LINGO2: variants seen among roughly 807,000 people sequenced by gnomAD.
The protein encoded by LINGO2 is leucine-rich repeat and immunoglobulin-like domain-containing nogo receptor-interacting protein 2.
In LINGO2, 14 loss-of-function variants were observed where a neutral mutation model predicts 30.6. The ratio of observed to expected loss-of-function variants is 0.46; its 90% confidence interval spans 0.30 to 0.72. The LOEUF (loss-of-function observed/expected upper bound fraction) is 0.72. Ranked by LOEUF, LINGO2 falls within the 30% of genes least tolerant of loss-of-function variation. The pLI is 0.07. For missense variants in LINGO2, 729 were observed against 751.7 expected (o/e 0.97, Z 0.35); for synonymous variants, 317 against 288.5 (o/e 1.10, Z -1.00).
At chr9:28,630,038 TG>T (rs1826862289) in intron 1 of LINGO2, among the ~76,000 whole-genome samples, 1 of 151,740 alleles carries the variant, frequency 6.6e-6, no homozygotes, top group South Asian at 2.1e-4. Flanking sequence ...TTTTTGTTCT[TG>T]GGATAGTTTA....
chr9:28,639,960 GGTT>G (rs1160869446), intron 1 of LINGO2, among the ~76,000 whole-genome samples: 30 of 152,108 alleles, frequency 2.0e-4, no homozygotes, highest in Non-Finnish European at 3.2e-4. Flanking sequence ...GGCTGGTACC[GGTT>G]GTTCCTTTCC....
intron 1 of LINGO2, among the ~76,000 whole-genome samples, chr9:28,589,645 TAA>T: frequency 6.6e-6 from 1 of 152,042 alleles, no homozygotes. Context: ...CTCAATGAAA[TAA>T]AAGAGGATAC....
chr9:28,473,085 T>C (rs755829043), intron 2 of LINGO2, among the ~76,000 whole-genome samples: 1 of 152,178 alleles, frequency 6.6e-6, no homozygotes, highest in Non-Finnish European at 1.5e-5. Context: ...TTTGCTTTAA[T>C]GGTCTTGTTA....
chr9:28,174,529 C>T (rs1032168212), intron 4 of LINGO2, among the ~76,000 whole-genome samples: 2 of 152,094 alleles, frequency 1.3e-5, no homozygotes, highest in Non-Finnish European at 1.5e-5. Context: ...ATATATTTCA[C>T]ATAAGCATGT....
chr9:28,761,850 G>C, the LINGO2 span, among the ~76,000 whole-genome samples: 3 of 151,902 alleles, frequency 2.0e-5, no homozygotes, highest in Non-Finnish European at 4.4e-5. Context: ...CTTACATAAG[G>C]ACTAATTTTG....
intron 4 of LINGO2, among the ~76,000 whole-genome samples, chr9:28,139,910 T>G (rs1297478627): frequency 6.6e-6 from 1 of 152,164 alleles, no homozygotes; most frequent in Non-Finnish European, 1.5e-5. Context: ...TTGTGATTAT[T>G]AGTTGAAAAT....
intron 3 of LINGO2, among the ~76,000 whole-genome samples, chr9:28,345,723 C>T (rs1476316226): frequency 2.0e-5 from 3 of 152,148 alleles, no homozygotes; most frequent in Admixed American, 6.6e-5. Flanking sequence ...TCTTGACTCT[C>T]ATTGTGATAA....
chr9:28,375,091 C>A (rs889043942), intron 2 of LINGO2, among the ~76,000 whole-genome samples: 19 of 10,896 alleles, frequency 1.7e-3, no homozygotes, highest in African/African-American at 3.5e-3. Flanking sequence ...CACCCCTTAA[C>A]ACACACACAC....
intron 3 of LINGO2, among the ~76,000 whole-genome samples, chr9:28,301,612 T>C (rs1362623923): frequency 6.6e-6 from 1 of 151,768 alleles, no homozygotes; most frequent in Non-Finnish European, 1.5e-5. Context: ...AGCCATTTTT[T>C]AATTTTTCCA....
chr9:28,054,853 C>T (rs1824848524), intron 4 of LINGO2, among the ~76,000 whole-genome samples: 1 of 151,992 alleles, frequency 6.6e-6, no homozygotes, highest in African/African-American at 2.4e-5. Flanking sequence ...GGTTGTTATG[C>T]CTTATTTTAG....
At chr9:28,817,197 G>C in the LINGO2 span, among the ~76,000 whole-genome samples, 58 of 151,926 alleles carry the variant, frequency 3.8e-4, 1 homozygote, top group East Asian at 0.011. Context: ...TTAATACGTA[G>C]TTCAGTCATT....
At chr9:28,999,601 T>C in the LINGO2 span, among the ~76,000 whole-genome samples, 1 of 152,038 alleles carries the variant, frequency 6.6e-6, no homozygotes, top group Non-Finnish European at 1.5e-5. Flanking sequence ...AACTTTGTCA[T>C]TTCTAGGATT....
the LINGO2 span, among the ~76,000 whole-genome samples, chr9:29,161,855 G>A: frequency 6.6e-6 from 1 of 151,492 alleles, no homozygotes; most frequent in Non-Finnish European, 1.5e-5. Context: ...CTATTGAAAT[G>A]TTAATAATAC....
At chr9:28,247,094 C>A (rs1554692434) in intron 4 of LINGO2, among the ~76,000 whole-genome samples, 1 of 152,008 alleles carries the variant, frequency 6.6e-6, no homozygotes, top group Non-Finnish European at 1.5e-5. Context: ...TAAAAAATCA[C>A]AACAATTAAT....
intron 1 of LINGO2, among the ~76,000 whole-genome samples, chr9:28,515,396 C>T (rs900739301): frequency 1.3e-5 from 2 of 152,050 alleles, no homozygotes; most frequent in African/African-American, 4.8e-5. Flanking sequence ...TTAGTAGAGA[C>T]GAGGTTTCAC....
At chr9:28,701,167 C>T in the LINGO2 span, among the ~76,000 whole-genome samples, 7 of 151,796 alleles carry the variant, frequency 4.6e-5, no homozygotes, top group African/African-American at 1.4e-4. Context: ...TTAATCAAAC[C>T]CAGATTATAT....
At chr9:28,880,513 T>A in the LINGO2 span, among the ~76,000 whole-genome samples, 1 of 152,202 alleles carries the variant, frequency 6.6e-6, no homozygotes, top group African/African-American at 2.4e-5. Context: ...CACAATGCAC[T>A]GTGGAAAGCC....
At chr9:28,324,078 A>C (rs944894136) in intron 3 of LINGO2, among the ~76,000 whole-genome samples, 5 of 152,150 alleles carry the variant, frequency 3.3e-5, no homozygotes, top group African/African-American at 1.2e-4. Context: ...TTATTTGTCT[A>C]AAGCAAAATG....
chr9:28,048,270 A>C (rs1587765293), intron 4 of LINGO2, among the ~76,000 whole-genome samples: 1 of 151,160 alleles, frequency 6.6e-6, no homozygotes, highest in Admixed American at 6.6e-5. Context: ...GCCCCAACTA[A>C]ATCTATAAAT....
Sources: gnomAD v4.1 joint callset for allele counts (sites outside exome capture counted in the v4.1 genomes callset) on GRCh38, gnomAD v4.1.1 for gene constraint, MANE v1.5 for transcripts, NCBI Gene and HGNC (gene_info 2026-07-23, HGNC 2026-07-21) for gene names.